The following CA10 variants were observed in gnomAD, a reference collection of about 807,000 sequenced individuals.
CA10 encodes carbonic anhydrase-related protein 10.
A neutral mutation model predicts 44.2 loss-of-function variants in CA10; 14 were observed. The observed-to-expected ratio is 0.32, with a 90% confidence interval of 0.21 to 0.50. CA10 has a LOEUF of 0.50. CA10 is among the 20% of genes least tolerant of loss of function. The probability of loss-of-function intolerance (pLI) is 0.99; values close to 1 mark genes in which losing one functional copy is unlikely to be tolerated. For synonymous variants in CA10, 159 were observed against 141.6 expected (o/e 1.12, Z -0.87); for missense variants, 350 against 409.7 (o/e 0.85, Z 1.26).
At chr17:51,840,754 G>A (rs183037849) in intron 3 of CA10, among the ~76,000 whole-genome samples, 14 of 152,184 alleles carry the variant, frequency 9.2e-5, no homozygotes, top group Admixed American at 5.2e-4. Flanking sequence ...GACTATGAGC[G>A]GAAGGCCAAG....
At chr17:52,105,926 A>C (rs1021008098) in intron 1 of CA10, among the ~76,000 whole-genome samples, 2 of 152,220 alleles carry the variant, frequency 1.3e-5, no homozygotes, top group Non-Finnish European at 2.9e-5. Context: ...TGTTTAGTAG[A>C]GCCCTAGTAC....
chr17:51,684,593 A>G (rs1914948217), intron 4 of CA10, among the ~76,000 whole-genome samples: 1 of 152,208 alleles, frequency 6.6e-6, no homozygotes, highest in Non-Finnish European at 1.5e-5. Flanking sequence ...TCTGGGGACT[A>G]AAAGAACATG....
intron 2 of CA10, among the ~76,000 whole-genome samples, chr17:51,955,630 C>G (rs115178409): frequency 2.3e-3 from 350 of 152,288 alleles, no homozygotes; most frequent in African/African-American, 7.9e-3. Context: ...AAATGAATCA[C>G]TCCCCCACCT....
At chr17:52,140,916 A>G (rs1045515997) in intron 1 of CA10, among the ~76,000 whole-genome samples, 7 of 152,156 alleles carry the variant, frequency 4.6e-5, no homozygotes, top group Middle Eastern at 3.2e-3. Context: ...GCAGAAGCTG[A>G]TCATGGCCTG....
intron 3 of CA10, among the ~76,000 whole-genome samples, chr17:51,817,845 T>C (rs1250393455): frequency 6.6e-6 from 1 of 152,124 alleles, no homozygotes; most frequent in Non-Finnish European, 1.5e-5. Flanking sequence ...TAAGGGAATA[T>C]AGGAAGGAAA....
intron 3 of CA10, among the ~76,000 whole-genome samples, chr17:51,767,215 A>G (rs1395462462): frequency 6.6e-6 from 1 of 152,190 alleles, no homozygotes; most frequent in Non-Finnish European, 1.5e-5. Context: ...GCTTAATCAC[A>G]TGGTTAGCTA....
At chr17:52,077,145 A>G (rs559476481) in intron 1 of CA10, among the ~76,000 whole-genome samples, 6 of 152,212 alleles carry the variant, frequency 3.9e-5, no homozygotes, top group Admixed American at 2.0e-4. Context: ...TTGAGAGACA[A>G]TGTTCATTGC....
intron 1 of CA10, among the ~76,000 whole-genome samples, chr17:52,076,335 A>G (rs914624183): frequency 1.3e-5 from 2 of 152,254 alleles, no homozygotes; most frequent in Non-Finnish European, 2.9e-5. Context: ...CTCTTTCTTC[A>G]TCTCCAATCA....
At chr17:52,146,354 G>A (rs1049120832) in intron 1 of CA10, among the ~76,000 whole-genome samples, 1 of 152,174 alleles carries the variant, frequency 6.6e-6, no homozygotes, top group African/African-American at 2.4e-5. Context: ...GAGGTTGGGA[G>A]TTTTAGACCA....
At chr17:51,976,779 A>C (rs1354196334) in intron 2 of CA10, among the ~76,000 whole-genome samples, 1 of 152,024 alleles carries the variant, frequency 6.6e-6, no homozygotes, top group Non-Finnish European at 1.5e-5. Context: ...AAAAAAGGAA[A>C]TCAACAAGAT....
intron 2 of CA10, among the ~76,000 whole-genome samples, chr17:51,954,754 A>T (rs1272700351): frequency 6.6e-6 from 1 of 152,190 alleles, no homozygotes; most frequent in Non-Finnish European, 1.5e-5. Context: ...TGAGTACAAT[A>T]CTGTGCAACA....
At chr17:51,961,944 C>G (rs1983908452) in intron 2 of CA10, among the ~76,000 whole-genome samples, 1 of 152,104 alleles carries the variant, frequency 6.6e-6, no homozygotes, top group Non-Finnish European at 1.5e-5. Context: ...CATCCAGGCC[C>G]TCTCCACTTC....
At chr17:51,990,190 G>A (rs1418987820) in intron 2 of CA10, among the ~76,000 whole-genome samples, 1 of 151,934 alleles carries the variant, frequency 6.6e-6, no homozygotes, top group African/African-American at 2.4e-5. Flanking sequence ...AGGGAGGGAG[G>A]GATGGCTTCA....
intron 3 of CA10, among the ~76,000 whole-genome samples, chr17:51,821,829 A>G (rs1375996191): frequency 6.6e-6 from 1 of 152,160 alleles, no homozygotes; most frequent in Non-Finnish European, 1.5e-5. Flanking sequence ...AGAAGACCTA[A>G]GTTTGACTCC....
intron 2 of CA10, among the ~76,000 whole-genome samples, chr17:51,938,453 G>A (rs1982949360): frequency 6.6e-6 from 1 of 151,928 alleles, no homozygotes; most frequent in Non-Finnish European, 1.5e-5. Flanking sequence ...CTAGGTCAAG[G>A]GATTAATTGC....
chr17:52,097,798 C>T (rs1213718708), intron 1 of CA10, among the ~76,000 whole-genome samples: 2 of 152,100 alleles, frequency 1.3e-5, no homozygotes, highest in Admixed American at 6.6e-5. Context: ...ACATGGTAAG[C>T]CCAGTAATAG....
At chr17:51,883,369 T>C (rs528442398) in intron 3 of CA10, among the ~76,000 whole-genome samples, 1 of 152,336 alleles carries the variant, frequency 6.6e-6, no homozygotes, top group African/African-American at 2.4e-5. Flanking sequence ...TGTGCTTTTA[T>C]TACTCCATTT....
chr17:52,151,928 T>G (rs1989710534), intron 1 of CA10, among the ~76,000 whole-genome samples: 1 of 152,122 alleles, frequency 6.6e-6, no homozygotes. Context: ...CTTACTCTCA[T>G]ATGATGTGTA....
chr17:51,891,801 A>T (rs1980867895), intron 3 of CA10, among the ~76,000 whole-genome samples: 1 of 152,102 alleles, frequency 6.6e-6, no homozygotes, highest in South Asian at 2.1e-4. Context: ...TGGGAATATG[A>T]CTGCTCCTCT....
Sources: gnomAD v4.1 joint callset for allele counts (sites outside exome capture counted in the v4.1 genomes callset) on GRCh38, gnomAD v4.1.1 for gene constraint, MANE v1.5 for transcripts, NCBI Gene and HGNC (gene_info 2026-07-23, HGNC 2026-07-21) for gene names.